Variants in ZFAND3 observed in about 807,000 individuals in gnomAD.
ZFAND3 encodes AN1-type zinc finger protein 3.
ZFAND3 carries 10 observed loss-of-function variants against 29.6 expected under a neutral mutation model. The observed-to-expected ratio is 0.34, with a 90% CI of 0.21 to 0.57. ZFAND3 has a LOEUF of 0.57. Among genes scored for constraint, ZFAND3 ranks in the 20% least tolerant of loss-of-function variants. The pLI, the probability that ZFAND3 is intolerant of heterozygous loss-of-function variation, is 0.86. For missense variants in ZFAND3, 230 were observed against 304.5 expected (o/e 0.76, Z 1.82); for synonymous variants, 128 against 112.6 (o/e 1.14, Z -0.87).
chr6:38,012,273 T>A (rs1469363329), intron 2 of ZFAND3, among the ~76,000 whole-genome samples: 1 of 151,998 alleles, frequency 6.6e-6, no homozygotes, highest in African/African-American at 2.4e-5. Flanking sequence ...TTGTATATAC[T>A]AACAAATCAG....
chr6:38,123,915 G>A (rs1314809369), intron 5 of ZFAND3, among the ~76,000 whole-genome samples: 7 of 152,116 alleles, frequency 4.6e-5, no homozygotes, highest in East Asian at 1.9e-4. Context: ...TGCAAAGAGC[G>A]AAAGAACAAA....
chr6:38,093,081 T>C (rs1045443378), intron 4 of ZFAND3, among the ~76,000 whole-genome samples: 2 of 152,220 alleles, frequency 1.3e-5, no homozygotes, highest in Admixed American at 6.5e-5. Context: ...AGGAGGATCC[T>C]TCAGTCTATA....
intron 1 of ZFAND3, among the ~76,000 whole-genome samples, chr6:37,861,525 GTACT>G (rs1400432656): frequency 2.6e-5 from 4 of 152,290 alleles, no homozygotes; most frequent in Admixed American, 2.6e-4. Flanking sequence ...GGGGCTTTAC[GTACT>G]TACTTGATTT....
intron 1 of ZFAND3, among the ~76,000 whole-genome samples, chr6:37,903,800 T>C (rs1765361393): frequency 6.6e-6 from 1 of 152,204 alleles, no homozygotes; most frequent in South Asian, 2.1e-4. Context: ...TTGGAATCTA[T>C]CCTCTGTACC....
chr6:37,977,627 G>T (rs1292502933), intron 2 of ZFAND3, among the ~76,000 whole-genome samples: 1 of 152,044 alleles, frequency 6.6e-6, no homozygotes, highest in Non-Finnish European at 1.5e-5. Flanking sequence ...AATAGAGGTG[G>T]TGGGAGCAAA....
At chr6:38,026,417 T>C (rs1372488966) in intron 2 of ZFAND3, among the ~76,000 whole-genome samples, 2 of 138,188 alleles carry the variant, frequency 1.4e-5, no homozygotes, top group Non-Finnish European at 3.1e-5. Flanking sequence ...TGTATTACTT[T>C]AGGATTTTTT....
At chr6:37,917,145 A>T (rs546309584) in intron 1 of ZFAND3, among the ~76,000 whole-genome samples, 1 of 152,270 alleles carries the variant, frequency 6.6e-6, no homozygotes, top group East Asian at 1.9e-4. Flanking sequence ...AACACAGTAT[A>T]TATAGAGTTC....
At chr6:38,017,366 ATT>A (rs1352737702) in intron 2 of ZFAND3, among the ~76,000 whole-genome samples, 2 of 152,206 alleles carry the variant, frequency 1.3e-5, no homozygotes, top group Non-Finnish European at 2.9e-5. Context: ...AGTTAGAAGC[ATT>A]GCCTTTCCAT....
Position 37,879,339 on chromosome 6 carries a change from G to GTT in ZFAND3, c.72-50611_72-50610dup, listed in dbSNP as rs375096327. Among the ~76,000 whole-genome samples the GTT allele has an allele frequency of 3.2e-4, 48 of 147,802 alleles. No homozygotes were observed. The South Asian group carries it at 3.9e-3, about 12-fold the overall frequency. ...AGAAGTTTTTTTTGTTTTTTGTTTT[G>GTT]TTTTTTTTTTGTGGGGGAGCGGGTG... On this transcript the variant is annotated intron_variant, in intron 1 of 5. Coordinates refer to ENST00000287218, the MANE Select transcript of ZFAND3 (RefSeq NM_021943.3).
At position 37,914,437 on chromosome 6, in the gene ZFAND3, C is replaced by A. The variant is rs532645112; in HGVS notation, c.72-15522C>A. Among the ~76,000 whole-genome samples, 21 of 152,230 alleles carry A rather than the reference C, an allele frequency of 1.4e-4. No homozygotes were observed. In the South Asian group the frequency reaches 4.1e-3, roughly 30 times the overall value. On this transcript the variant is annotated intron_variant, in intron 1 of 5. Transcript: ENST00000287218. Reference sequence around the variant, plus strand: ...TGGTGCAACCTCTGCCTCCTGTGTTCAAGCGATTTTCCTGTCTCAGCCACC... The same window carrying A: ...TGGTGCAACCTCTGCCTCCTGTGTTAAAGCGATTTTCCTGTCTCAGCCACC...
intron 4 of ZFAND3, among the ~76,000 whole-genome samples, chr6:38,103,514 T>TAC: frequency 5.3e-5 from 2 of 37,464 alleles, no homozygotes; most frequent in East Asian, 7.8e-4. Context: ...TATACACGTG[T>TAC]ATATATACAC....
intron 2 of ZFAND3, among the ~76,000 whole-genome samples, chr6:37,975,583 A>G (rs1382377204): frequency 6.6e-6 from 1 of 152,148 alleles, no homozygotes; most frequent in Non-Finnish European, 1.5e-5. Flanking sequence ...GTAAATTTTT[A>G]TATATGATAT....
intron 4 of ZFAND3, among the ~76,000 whole-genome samples, chr6:38,086,349 C>T (rs186041937): frequency 4.9e-4 from 75 of 152,218 alleles, no homozygotes; most frequent in Admixed American, 1.8e-3. Context: ...CGTTCCCACT[C>T]CACCCCACCC....
At chr6:37,862,400 G>C (rs1456440060) in intron 1 of ZFAND3, among the ~76,000 whole-genome samples, 1 of 151,870 alleles carries the variant, frequency 6.6e-6, no homozygotes, top group African/African-American at 2.4e-5. Context: ...TAAATCTGCT[G>C]CAGGGGCTGA....
chr6:37,969,325 A>G (rs1328094373), intron 2 of ZFAND3, among the ~76,000 whole-genome samples: 3 of 152,220 alleles, frequency 2.0e-5, no homozygotes, highest in Non-Finnish European at 4.4e-5. Context: ...AAATTAGGTT[A>G]CATCCTGGTA....
intron 2 of ZFAND3, among the ~76,000 whole-genome samples, chr6:38,058,148 C>T (rs907140257): frequency 1.3e-5 from 2 of 152,176 alleles, no homozygotes; most frequent in African/African-American, 2.4e-5. Flanking sequence ...TCATAATTGT[C>T]TTTAGATACC....
chr6:37,935,237 A>C (rs1405513071), intron 2 of ZFAND3, among the ~76,000 whole-genome samples: 1 of 152,192 alleles, frequency 6.6e-6, no homozygotes. Context: ...ACCCTGGGAC[A>C]TGAGTTATCA....
chr6:37,988,763 T>A (rs779190376), intron 2 of ZFAND3, among the ~76,000 whole-genome samples: 2 of 152,166 alleles, frequency 1.3e-5, no homozygotes, highest in Non-Finnish European at 2.9e-5. Flanking sequence ...CTTTCCTCCC[T>A]CCTTCCAACA....
At chr6:37,992,902 C>T (rs1356179789) in intron 2 of ZFAND3, among the ~76,000 whole-genome samples, 1 of 152,106 alleles carries the variant, frequency 6.6e-6, no homozygotes, top group Admixed American at 6.6e-5. Context: ...CAACATTCTG[C>T]ATTCATCTAA....
Sources: allele counts gnomAD v4.1 joint callset (sites outside exome capture counted in the v4.1 genomes callset), GRCh38; gene constraint gnomAD v4.1.1; transcripts MANE v1.5; gene names NCBI Gene and HGNC (gene_info 2026-07-23, HGNC 2026-07-21).